The following TSEN15 variants were observed in gnomAD, a reference collection of about 807,000 sequenced individuals.
TSEN15 encodes tRNA splicing endonuclease subunit 15, also known as tRNA-splicing endonuclease subunit Sen15.
TSEN15 carries 10 observed loss-of-function variants against 20.5 expected under a neutral mutation model. That is an observed-to-expected ratio of 0.49 (90% CI 0.30 to 0.83). The LOEUF (loss-of-function observed/expected upper bound fraction) is 0.83, where lower values mean the gene tolerates loss of function less well. TSEN15 is among the 40% of genes least tolerant of loss of function. TSEN15 has a pLI of 0.06. For synonymous variants in TSEN15, 72 were observed against 80.1 expected (o/e 0.90, Z 0.54); for missense variants, 180 against 218.6 (o/e 0.82, Z 1.11).
At chr1:184,056,696 C>A (rs1650261066) in intron 3 of TSEN15, among the ~76,000 whole-genome samples, 1 of 152,144 alleles carries the variant, frequency 6.6e-6, no homozygotes, top group Non-Finnish European at 1.5e-5. Context: ...ATACCATTGT[C>A]ATGTGGATAA....
Position 184,052,506 on chromosome 1 carries a change from A to G in TSEN15, c.135+616A>G, listed in dbSNP as rs116695144. ...TCTGCTTGAGACATTACTGCCTTGTACAAGTACGGTTCCAAGCAGTGAATA... is the reference window on the plus strand; with the variant it reads ...TCTGCTTGAGACATTACTGCCTTGTGCAAGTACGGTTCCAAGCAGTGAATA... On this transcript the variant is annotated intron_variant, in intron 1 of 4. Coordinates refer to ENST00000645668, the MANE Select transcript of TSEN15 (RefSeq NM_052965.4). 5.6e-3 allele frequency among the ~76,000 whole-genome samples: 859 copies of G among 152,226 alleles called. 6 individuals carry two copies. The highest frequency in any genetic ancestry group is 0.02 in the African/African-American group (811 of 41,530).
intron 3 of TSEN15, among the ~76,000 whole-genome samples, chr1:184,080,347 C>T (rs1651143473): frequency 6.6e-6 from 1 of 152,136 alleles, no homozygotes; most frequent in South Asian, 2.1e-4. Context: ...GTAATAGCTC[C>T]AGGTAGTAGC....
chr1:184,075,002 G>A (rs1055775753), downstream of TSEN15, among the ~76,000 whole-genome samples: 12 of 151,972 alleles, frequency 7.9e-5, no homozygotes, highest in South Asian at 2.1e-4. Context: ...TAAGTCTCTC[G>A]TTTGATTCAT....
At chr1:184,093,158 A>G (rs75338844) in intron 3 of TSEN15, among the ~76,000 whole-genome samples, 1,892 of 152,296 alleles carry the variant, frequency 0.012, 36 homozygotes, top group African/African-American at 0.041. Context: ...TCAGAGTGGC[A>G]AGAGTAGGCA....
chr1:184,070,501 G>A (rs1187276382), intron 3 of TSEN15: 1 of 368,604 alleles, frequency 2.7e-6, no homozygotes, highest in African/African-American at 2.1e-5. Flanking sequence ...ATGTAGATAA[G>A]TTAAAATTTT....
At position 184,072,634 on chromosome 1, in the gene TSEN15, C is replaced by T. The variant is rs145403047; in HGVS notation, c.496-193C>T. 1,207 of 613,308 alleles carry T rather than the reference C, an allele frequency of 2.0e-3. 7 individuals carry two copies. Among genetic ancestry groups the T allele is most frequent in the African/African-American group, 7.2e-3 (373 of 52,056 alleles). 38.0% of individuals were successfully genotyped at this position (613,308 alleles called of 1,614,324 possible). On this transcript the variant is annotated intron_variant, in intron 4 of 4. Transcript: ENST00000645668. ...CTAATAATAGTTGTAAGTAAAAAAA[C>T]GCTTATTTAAGAAATGTTAAATTGG...
At chr1:184,087,324 A>T (rs1196365864) in intron 3 of TSEN15, among the ~76,000 whole-genome samples, 1 of 152,212 alleles carries the variant, frequency 6.6e-6, no homozygotes, top group African/African-American at 2.4e-5. Context: ...ATCTCTTTGA[A>T]ATCTGGTGTG....
chr1:184,069,982 A>G (rs902247043), intron 3 of TSEN15, among the ~76,000 whole-genome samples: 1 of 152,020 alleles, frequency 6.6e-6, no homozygotes, highest in African/African-American at 2.4e-5. Flanking sequence ...GGGAACTTCC[A>G]TTTCATTTTT....
In TSEN15 at chr1:184,094,833, A is replaced by G. The variant is rs1651420870; in HGVS notation, c.354-857A>G. The G allele has an allele frequency of 7.7e-6, 3 of 388,776 alleles. No individual in the cohort carries two copies. The East Asian group carries it at 1.1e-4, about 14-fold the overall frequency. The allele number at this position is 388,776 out of a possible 1,614,324, so 24.1% of individuals were successfully genotyped here. ...CAATAAAATGTCTGGACAGTAGGGT[A>G]GGGGATGAGGGAAGGATAAGAGGTG... On this transcript the variant is annotated intron_variant, in intron 3 of 3. Coordinates refer to the TSEN15 transcript ENST00000643231.
chr1:184,079,237 A>T (rs1429681536), intron 3 of TSEN15, among the ~76,000 whole-genome samples: 1 of 152,066 alleles, frequency 6.6e-6, no homozygotes, highest in East Asian at 1.9e-4. Flanking sequence ...GATTTTGAAA[A>T]TTTTCCCAAA....
chr1:184,051,913 G>T lies in TSEN15; in HGVS notation c.135+23G>T, dbSNP rs775143805. ...AAGGTCAGGAGGCGCGAGAGGAGCA[G>T]GGCGCCGTCCAGGCCCCTAACCCAG... On this transcript the variant is annotated intron_variant, in intron 1 of 4. Coordinates refer to ENST00000645668, the MANE Select transcript of TSEN15 (RefSeq NM_052965.4). 4 of 1,514,194 alleles carry T rather than the reference G, an allele frequency of 2.6e-6. No individual in the cohort carries two copies. In the South Asian group the frequency reaches 5.0e-5, roughly 19 times the overall value. The allele number at this position is 1,514,194 out of a possible 1,614,324, so 93.8% of individuals were successfully genotyped here.
intron 3 of TSEN15, 100 bp downstream of exon 3, chr1:184,054,963 G>T: frequency 1.5e-6 from 2 of 1,353,524 alleles, no homozygotes; most frequent in Non-Finnish European, 2.0e-6. Context: ...GGGATACAGG[G>T]TTCATAGCTT....
intron 3 of TSEN15, chr1:184,095,631 TTCTC>T (rs56022269): frequency 0.17 from 65,781 of 381,174 alleles, 2,819 homozygotes; most frequent in African/African-American, 0.22. Context: ...TCTCTCCCCC[TTCTC>T]TCTCTCTCTC....
At chr1:184,066,060 A>C (rs77026583) in intron 3 of TSEN15, among the ~76,000 whole-genome samples, 1 of 152,168 alleles carries the variant, frequency 6.6e-6, no homozygotes, top group Admixed American at 6.6e-5. Context: ...CTAAAAACTC[A>C]TCACCAAATC....
At chr1:184,085,101 T>C (rs1435239172) in intron 3 of TSEN15, among the ~76,000 whole-genome samples, 1 of 152,052 alleles carries the variant, frequency 6.6e-6, no homozygotes, top group African/African-American at 2.4e-5. Context: ...AAGGGAAATT[T>C]CCACTGCAGG....
At chr1:184,095,572 TA>T (rs1272962790) in intron 3 of TSEN15, 1 of 395,070 alleles carries the variant, frequency 2.5e-6, no homozygotes, top group African/African-American at 2.1e-5. Context: ...CCAACAGGAC[TA>T]ATATTCTTAT....
chr1:184,066,629 C>T (rs1412938355), intron 3 of TSEN15, among the ~76,000 whole-genome samples: 2 of 152,146 alleles, frequency 1.3e-5, no homozygotes, highest in African/African-American at 4.8e-5. Flanking sequence ...TGGTCTCAAA[C>T]TCCTAACCTC....
At chr1:184,072,495 CA>C (rs34615524) in intron 4 of TSEN15, 197 bp downstream of exon 4, 986 of 517,122 alleles carry the variant, frequency 1.9e-3, no homozygotes, top group South Asian at 5.2e-3. Flanking sequence ...GTTATTTTTG[CA>C]AAAAAAAAAT....
intron 3 of TSEN15, among the ~76,000 whole-genome samples, chr1:184,068,480 C>T (rs963807601): frequency 1.3e-5 from 2 of 152,168 alleles, no homozygotes; most frequent in African/African-American, 2.4e-5. Flanking sequence ...ACCCCCAATT[C>T]TGGCAGCTTC....
Sources: allele counts gnomAD v4.1 joint callset (sites outside exome capture counted in the v4.1 genomes callset), GRCh38; gene constraint gnomAD v4.1.1; transcripts MANE v1.5; gene names NCBI Gene and HGNC (gene_info 2026-07-23, HGNC 2026-07-21).